Variants in CDH26 observed in about 807,000 individuals in gnomAD.
The protein encoded by CDH26 is cadherin 26.
In CDH26, 83 loss-of-function variants were observed where a neutral mutation model predicts 90.3. The ratio of observed to expected loss-of-function variants is 0.92; its 90% CI spans 0.77 to 1.10. CDH26 has a LOEUF of 1.10. Among genes scored for constraint, CDH26 ranks in the 50% least tolerant of loss-of-function variants. CDH26 has a pLI of 0.00. For synonymous variants in CDH26, 397 were observed against 396.3 expected, an observed-to-expected ratio of 1.00 and a Z score of -0.02; for missense variants, 1,013 against 1,037.6, an observed-to-expected ratio of 0.98 and a Z score of 0.33.
intron 1 of CDH26, among the ~76,000 whole-genome samples, chr20:59,960,015 C>T (rs182162745): frequency 6.3e-4 from 96 of 152,304 alleles, no homozygotes; most frequent in Admixed American, 6.1e-3. Context: ...TGGGAAGCAG[C>T]CCAGTGGCTG....
chr20:59,969,695 A>G (rs562390640), intron 2 of CDH26, among the ~76,000 whole-genome samples: 12 of 152,358 alleles, frequency 7.9e-5, no homozygotes, highest in African/African-American at 2.9e-4. Context: ...AAGGTCTGTC[A>G]GCACCTAATC....
Position 60,012,869 on chromosome 20 carries a change from T to A in CDH26, c.*139T>A. 3 of 701,792 alleles carry A rather than the reference T, an allele frequency of 4.3e-6. No homozygotes were observed. The highest frequency in any genetic ancestry group is 6.9e-6 in the Non-Finnish European group (3 of 432,404). 43.5% of individuals were successfully genotyped at this position (701,792 alleles called of 1,614,324 possible). A position where few individuals can be genotyped will look rare whatever the true frequency, so the allele number is the denominator to read the frequency against. On this transcript the variant is annotated 3_prime_UTR_variant, in exon 18 of 18. Transcript: ENST00000348616. ...CCTAGGATGAGGACACACTATTAGT[T>A]TGAATTAAATGCTTTGATATTCTCA...
intron 14 of CDH26, among the ~76,000 whole-genome samples, chr20:59,999,965 T>C (rs1020027607): frequency 6.6e-6 from 1 of 152,228 alleles, no homozygotes; most frequent in Non-Finnish European, 1.5e-5. Flanking sequence ...CTTGGACTAG[T>C]GTATTTCTTA....
rs1216461439 is a variant in CDH26, at chr20:59,992,588, G to C, written c.1426+68G>C. 1 of 1,516,628 alleles carries C rather than the reference G, an allele frequency of 6.6e-7. No homozygotes were observed. The highest frequency in any genetic ancestry group is 9.1e-7 in the Non-Finnish European group (1 of 1,093,544). The allele number at this position is 1,516,628 out of a possible 1,614,324, so 93.9% of individuals were successfully genotyped here. On this transcript the variant is annotated intron_variant, in intron 10 of 17. Coordinates refer to ENST00000348616, the MANE Select transcript of CDH26 (RefSeq NM_177980.4). The surrounding 1 kb of genome is among the most constrained non-coding windows in gnomAD (Gnocchi z 5.0). The stretch of plus-strand genomic sequence containing the variant: ...TGCTTCCTGCGGGAAAATAACCCTG[G>C]TGAGCGTCTTTCAGCACAGCAGAGA...
chr20:59,987,930 G>C (rs966420039), intron 8 of CDH26, among the ~76,000 whole-genome samples: 2 of 152,086 alleles, frequency 1.3e-5, no homozygotes, highest in African/African-American at 4.8e-5. Context: ...GATTTACATA[G>C]GCCTTAAAAT....
At chr20:60,006,047 C>T (rs2061744726) in intron 16 of CDH26, among the ~76,000 whole-genome samples, 1 of 152,216 alleles carries the variant, frequency 6.6e-6, no homozygotes, top group Non-Finnish European at 1.5e-5. Flanking sequence ...TGGGTGAGAT[C>T]CCCTCTTAAA....
At chr20:59,961,613 C>T (rs2061075763) in intron 1 of CDH26, among the ~76,000 whole-genome samples, 1 of 152,084 alleles carries the variant, frequency 6.6e-6, no homozygotes, top group Non-Finnish European at 1.5e-5. Flanking sequence ...TCCATATTTA[C>T]AAGCTGATAC....
chr20:59,972,407 T>C (rs1453855498), intron 4 of CDH26, among the ~76,000 whole-genome samples: 1 of 152,176 alleles, frequency 6.6e-6, no homozygotes, highest in Non-Finnish European at 1.5e-5. Context: ...CATTTGGGTA[T>C]AGGGTCACAG....
chr20:59,983,066 T>G lies in CDH26; in HGVS notation c.537T>G (p.Ser179=), dbSNP rs2061412927. ...EFNITVQENQ[S]AGQPIFQMLA... ...ACATCACTGTGCAAGAAAACCAATC[T>G]GCAGGTGTGTGCGGCTGGGGGGCTG... Residue 179 remains serine (S), a synonymous_variant, in exon 5 of 18, where the codon TCT becomes TCG. Transcript: ENST00000348616. 5.0e-6 allele frequency: 8 copies of G among 1,613,812 alleles called. No individual in the cohort carries two copies. Among genetic ancestry groups the G allele is most frequent in the African/African-American group, 1.3e-5 (1 of 74,906 alleles).
intron 14 of CDH26, among the ~76,000 whole-genome samples, chr20:60,000,174 G>A (rs1601176038): frequency 1.3e-5 from 2 of 152,352 alleles, no homozygotes; most frequent in South Asian, 4.1e-4. Flanking sequence ...CCTCTGCAAG[G>A]AAGGCAGAGC....
intron 12 of CDH26, 125 bp from the exon 13 acceptor site, chr20:59,996,506 G>A: frequency 6.2e-7 from 1 of 1,613,258 alleles, no homozygotes; most frequent in South Asian, 1.1e-5. Context: ...CTACACAGAT[G>A]ACTAAGACGC....
At chr20:60,025,335 A>C (rs779266710) in intron 7 of CDH26, among the ~76,000 whole-genome samples, 2 of 152,248 alleles carry the variant, frequency 1.3e-5, no homozygotes, top group Non-Finnish European at 2.9e-5. Flanking sequence ...TGTTTAAACA[A>C]GTATATGTAC....
intron 7 of CDH26, among the ~76,000 whole-genome samples, chr20:60,023,055 G>C (rs1008144145): frequency 6.6e-6 from 1 of 152,224 alleles, no homozygotes; most frequent in Non-Finnish European, 1.5e-5. Context: ...TCCTTGAAGA[G>C]GGTGGAGATG....
chr20:59,984,982 T>C lies in CDH26; in HGVS notation c.709-19T>C, dbSNP rs144417269. 1 of 1,609,298 alleles carries C rather than the reference T, an allele frequency of 6.2e-7. No individual in the cohort carries two copies. Among genetic ancestry groups the C allele is most frequent in the South Asian group, 1.1e-5 (1 of 90,494 alleles). On this transcript the variant is annotated intron_variant, in intron 6 of 17. Transcript: ENST00000348616. ...TTCCTGTATTTGAGGGGCTTAACTT[T>C]CCTTTTCCTCCCACATAGACCGCTC... is the stretch of plus-strand genomic sequence containing the variant.
intron 16 of CDH26, 45 bp downstream of exon 16, chr20:60,002,911 G>C (rs771226151): frequency 2.1e-6 from 3 of 1,408,806 alleles, no homozygotes; most frequent in Non-Finnish European, 2.9e-6. Flanking sequence ...TTACCTTATT[G>C]TTCTGCCTAA....
chr20:59,993,311 G>C (rs1178154902), intron 10 of CDH26, among the ~76,000 whole-genome samples: 1 of 151,990 alleles, frequency 6.6e-6, no homozygotes, highest in Non-Finnish European at 1.5e-5. Flanking sequence ...AGTGGTTTTT[G>C]GTTACGTAGA....
rs750459679 is a variant in CDH26 at position 60,012,622 on chromosome 20, C to G, written c.2391C>G (p.Ser797Arg). The change falls in exon 18 of 18, where the codon AGC becomes AGG. Residue 797 changes from serine to arginine, a missense_variant. Coordinates refer to ENST00000348616, the MANE Select transcript of CDH26 (RefSeq NM_177980.4). ...EGECGGAPSL[S>R]SLASLEQELQ... ...AGTGTGGAGGGGCCCCATCCCTCAG[C>G]TCTCTGGCCAGCTTGGAACAGGAGT... 6.2e-6 allele frequency: 10 copies of G among 1,614,122 alleles called. 1 individual carries two copies. The South Asian group carries it at 1.1e-4, about 18-fold the overall frequency.
intron 1 of CDH26, among the ~76,000 whole-genome samples, chr20:59,967,652 T>TTA (rs1272974172): frequency 6.6e-6 from 1 of 152,098 alleles, no homozygotes; most frequent in Non-Finnish European, 1.5e-5. Flanking sequence ...ACACTGTCTC[T>TTA]CTCCCTCCCC....
rs765656135 is a variant in CDH26 at position 59,995,891 on chromosome 20, A to G, written c.1725A>G (p.Pro575=). The change falls in exon 12 of 18, where the codon CCA becomes CCG. Residue 575 remains proline, a synonymous_variant. Transcript: ENST00000348616. ...TGCCACGTGGTAATTACTTGGTGCC[A>G]CTCTTCATTGGAGACAAACAGGGAC... is the stretch of plus-strand genomic sequence containing the variant. ...RSLPRGNYLV[P]LFIGDKQGLS... 8 of 1,614,168 alleles carry G rather than the reference A, an allele frequency of 5.0e-6. No homozygotes were observed. Among genetic ancestry groups the G allele is most frequent in the South Asian group, 2.2e-5 (2 of 91,080 alleles).
Sources: gnomAD v4.1 joint callset for allele counts (sites outside exome capture counted in the v4.1 genomes callset) on GRCh38, gnomAD v4.1.1 for gene constraint, Gnocchi (gnomAD v3.1) non-coding constraint, MANE v1.5 for transcripts, NCBI Gene and HGNC (gene_info 2026-07-23, HGNC 2026-07-21) for gene names.